Variants in COQ7 observed in about 807,000 individuals in gnomAD.
COQ7 encodes the protein NADPH-dependent 3-demethoxyubiquinone 3-hydroxylase, mitochondrial.
Under a neutral mutation model 25.0 loss-of-function variants are expected in COQ7, and 21 were observed. The observed-to-expected ratio is 0.84, with a 90% CI of 0.60 to 1.21. The LOEUF is 1.21. COQ7 is among the 50% of genes most tolerant of loss of function. The probability of loss-of-function intolerance (pLI) is 0.00; values close to 1 mark genes in which losing one functional copy is unlikely to be tolerated. For synonymous variants in COQ7, 125 were observed against 112.4 expected, an observed-to-expected ratio of 1.11 and a Z score of -0.71; for missense variants, 311 against 296.2, an observed-to-expected ratio of 1.05 and a Z score of -0.37.
At chr16:19,075,962 G>A in intron 4 of COQ7, 102 bp downstream of exon 4, 2 of 1,482,824 alleles carry the variant, frequency 1.3e-6, no homozygotes, top group Non-Finnish European at 9.2e-7. Flanking sequence ...GGATGATGGG[G>A]GTTTAGAGGC....
intron 1 of COQ7, chr16:19,068,659 CAA>C (rs35036144): frequency 0.055 from 9,855 of 178,118 alleles, 33 homozygotes; most frequent in Middle Eastern, 0.11. Flanking sequence ...CTCCCCCGCG[CAA>C]AAAAAAAAAA....
At position 19,072,048 on chromosome 16, in the gene COQ7, G is replaced by A. The variant is rs745719994; in HGVS notation, c.194G>A (p.Arg65His). The A allele has an allele frequency of 5.0e-6, 8 of 1,614,210 alleles. No individual in the cohort carries two copies. The highest frequency in any genetic ancestry group is 2.7e-5 in the African/African-American group (2 of 75,048). Residue 65 changes from arginine to histidine, a missense_variant, in exon 2 of 6, where the codon CGC becomes CAC. Transcript: ENST00000321998. ...CATGCAGGCGAATATGGAGCAAACCGCATCTATGCCGGGCAGATGGCTGTC... is the reference window on the plus strand; with the variant it reads ...CATGCAGGCGAATATGGAGCAAACCACATCTATGCCGGGCAGATGGCTGTC... Reference protein sequence around the residue: ...VDHAGEYGANRIYAGQMAVLG... With the variant: ...VDHAGEYGANHIYAGQMAVLG...
chr16:19,081,275 T>A (rs536828433), downstream of COQ7, among the ~76,000 whole-genome samples: 4 of 152,194 alleles, frequency 2.6e-5, no homozygotes, highest in Non-Finnish European at 5.9e-5. Flanking sequence ...TTTGCATAAG[T>A]GCAACAAGAA....
chr16:19,081,007 A>G (rs759287012), downstream of COQ7, among the ~76,000 whole-genome samples: 1 of 152,240 alleles, frequency 6.6e-6, no homozygotes, highest in Non-Finnish European at 1.5e-5. Context: ...TGAAATATTC[A>G]TGAATATCAA....
intron 4 of COQ7, among the ~76,000 whole-genome samples, chr16:19,076,292 A>G (rs954204291): frequency 2.3e-5 from 3 of 133,302 alleles, no homozygotes; most frequent in African/African-American, 8.7e-5. Context: ...ATGGGGTCTC[A>G]CTATGTTTTC....
chr16:19,068,353 T>G (rs1044207450), intron 1 of COQ7: 35 of 991,042 alleles, frequency 3.5e-5, no homozygotes, highest in Non-Finnish European at 4.2e-5. Context: ...CTGTGCTGCC[T>G]TAGAAAATTG....
At chr16:19,073,303 C>A (rs149655962) in intron 2 of COQ7, among the ~76,000 whole-genome samples, 4 of 40,466 alleles carry the variant, frequency 9.9e-5, no homozygotes, top group African/African-American at 1.3e-4. Flanking sequence ...AGTGAGACTC[C>A]GTCTCAAAAA....
intron 3 of COQ7, among the ~76,000 whole-genome samples, chr16:19,075,112 A>G (rs577430936): frequency 6.6e-6 from 1 of 152,094 alleles, no homozygotes; most frequent in Non-Finnish European, 1.5e-5. Context: ...CAGGTTTAAC[A>G]CTGGGATCCA....
chr16:19,082,739 C>A (rs1366067043), downstream of COQ7, among the ~76,000 whole-genome samples: 2 of 150,544 alleles, frequency 1.3e-5, no homozygotes, highest in African/African-American at 4.9e-5. Context: ...TGCATTCCAG[C>A]CTGGGCAACA....
chr16:19,071,713 G>A lies in COQ7; in HGVS notation c.74-215G>A, dbSNP rs12443533. 0.56 allele frequency: 318,310 copies of A among 563,818 alleles called. 95,740 individuals carry two copies. Among genetic ancestry groups the A allele is most frequent in the East Asian group, 0.76 (25,063 of 32,856 alleles). The allele number at this position is 563,818 out of a possible 1,614,324, so 34.9% of individuals were successfully genotyped here. ...TAAGAAGGTAGGCTCAGCATTTCCA[G>A]ATCTTCATACACTTAAAGTGAAACC... On this transcript the variant is annotated intron_variant, in intron 1 of 5. Transcript: ENST00000321998.
At chr16:19,072,886 CA>C (rs988504583) in intron 2 of COQ7, among the ~76,000 whole-genome samples, 42 of 152,308 alleles carry the variant, frequency 2.8e-4, no homozygotes, top group African/African-American at 8.9e-4. Context: ...AAATAATATT[CA>C]GGGCCGGGTG....
rs1962297204 is a variant in COQ7 at position 19,067,728 on chromosome 16, T to G, written c.64T>G (p.Ser22Ala). ...GCGGCTGCGCCCGGGGGCCCGGCGG[T>G]CCCTCTCAGGTAAAAGGAGGCGCGC... ...LWRLRPGARRSLSAYGRRTSV... is the reference protein window; with the variant it reads ...LWRLRPGARRALSAYGRRTSV... Residue 22 changes from serine to alanine, a missense_variant, in exon 1 of 6, where the codon TCC becomes GCC. Transcript: ENST00000321998. 1 of 1,604,574 alleles carries G rather than the reference T, an allele frequency of 6.2e-7. No homozygotes were observed. Among genetic ancestry groups the G allele is most frequent in the East Asian group, 2.2e-5 (1 of 44,782 alleles).
chr16:19,077,590 C>CTTTTTTTTTTTTATT (rs761359499), intron 5 of COQ7, among the ~76,000 whole-genome samples: 1 of 74,404 alleles, frequency 1.3e-5, no homozygotes, highest in East Asian at 5.0e-4. Context: ...TCCCCAGAAG[C>CTTTTTTTTTTTTATT]TTTTTTTTTT....
At chr16:19,076,512 A>G (rs539722707) in intron 4 of COQ7, among the ~76,000 whole-genome samples, 1 of 151,306 alleles carries the variant, frequency 6.6e-6, no homozygotes, top group African/African-American at 2.4e-5. Context: ...TCCTGGGCTC[A>G]AGTGATTCTT....
chr16:19,078,084 C>T lies in COQ7; in HGVS notation c.580C>T (p.Pro194Ser), dbSNP rs769788086. ...GTTTGCTTATTGTTTTTAACAGGCT[C>T]CAGCCTATGCCGTCCTGAAGAGCAT... ...IGLDHDAELA[P>S]AYAVLKSIIQ... Residue 194 changes from proline to serine, a missense_variant, in exon 6 of 6, where the codon CCA (proline) becomes TCA (serine). Coordinates refer to ENST00000321998, the MANE Select transcript of COQ7 (RefSeq NM_016138.5). 3.8e-6 allele frequency: 6 copies of T among 1,596,800 alleles called. No individual in the cohort carries two copies. In the African/African-American group the frequency reaches 4.1e-5, roughly 11 times the overall value.
At chr16:19,071,086 C>T (rs967339492) in intron 1 of COQ7, among the ~76,000 whole-genome samples, 2 of 152,110 alleles carry the variant, frequency 1.3e-5, no homozygotes, top group African/African-American at 4.8e-5. Flanking sequence ...GTCTCAAAAT[C>T]GAATGCCCAA....
chr16:19,081,401 G>A (rs1596841211), downstream of COQ7, among the ~76,000 whole-genome samples: 1 of 151,760 alleles, frequency 6.6e-6, no homozygotes, highest in East Asian at 1.9e-4. Context: ...CCAAAAAAAA[G>A]GAGAAACTGG....
intron 2 of COQ7, among the ~76,000 whole-genome samples, chr16:19,072,796 C>T (rs1454715717): frequency 6.6e-6 from 1 of 152,194 alleles, no homozygotes; most frequent in East Asian, 1.9e-4. Flanking sequence ...TTGCATGAAG[C>T]TATTTGATGG....
intron 3 of COQ7, 98 bp from the exon 4 acceptor site, chr16:19,075,623 A>G: frequency 7.4e-7 from 1 of 1,346,218 alleles, no homozygotes; most frequent in Non-Finnish European, 1.0e-6. Flanking sequence ...ACCCGGCCCG[A>G]TGTCTGGTGC....
Sources: gnomAD v4.1 joint callset for allele counts (sites outside exome capture counted in the v4.1 genomes callset) on GRCh38, gnomAD v4.1.1 for gene constraint, MANE v1.5 for transcripts, NCBI Gene and HGNC (gene_info 2026-07-23, HGNC 2026-07-21) for gene names.